The following SHISA6 variants were observed in gnomAD, a reference collection of about 807,000 sequenced individuals.
SHISA6 encodes the protein protein shisa-6.
SHISA6 carries 22 observed loss-of-function variants against 47.9 expected under a neutral mutation model. The ratio of observed to expected loss-of-function variants is 0.46; its 90% CI spans 0.33 to 0.66. SHISA6 has a LOEUF of 0.66. Ranked by LOEUF, SHISA6 falls within the 30% of genes least tolerant of loss-of-function variation. SHISA6 has a pLI of 0.02. For missense variants in SHISA6, 680 were observed against 764.6 expected (o/e 0.89, Z 1.30); for synonymous variants, 388 against 337.8 (o/e 1.15, Z -1.63).
At chr17:11,412,610 T>C (rs370571478) in intron 3 of SHISA6, among the ~76,000 whole-genome samples, 88 of 152,010 alleles carry the variant, frequency 5.8e-4, no homozygotes, top group East Asian at 1.2e-3. Flanking sequence ...GGCGCGATCT[T>C]GGCTCACTGC....
intron 2 of SHISA6, among the ~76,000 whole-genome samples, chr17:11,282,573 A>T (rs1387539618): frequency 2.6e-5 from 4 of 152,090 alleles, no homozygotes; most frequent in Non-Finnish European, 4.4e-5. Context: ...GACAGGCCCC[A>T]GTGTGTGGTG....
intron 3 of SHISA6, among the ~76,000 whole-genome samples, chr17:11,512,558 AGTT>A: frequency 6.6e-6 from 1 of 152,190 alleles, no homozygotes; most frequent in Admixed American, 6.5e-5. Context: ...AACTGAAAAA[AGTT>A]GTCACTTTAA....
chr17:11,367,348 A>C lies in SHISA6; in HGVS notation c.800-12066A>C, dbSNP rs112386525. Among the ~76,000 whole-genome samples, 417 of 152,318 alleles carry C rather than the reference A, an allele frequency of 2.7e-3. 1 individual carries two copies. Among genetic ancestry groups the C allele is most frequent in the African/African-American group, 8.4e-3 (349 of 41,570 alleles). ...AGGACATTGGACTCACTTTCATAGC[A>C]GGGAGGACAGAGAAAGGGGATGGCT... is the stretch of plus-strand genomic sequence containing the variant. On this transcript the variant is annotated intron_variant, in intron 2 of 5. Coordinates refer to ENST00000441885, the MANE Select transcript of SHISA6 (RefSeq NM_207386.4).
At chr17:11,466,189 A>T (rs549478476) in intron 3 of SHISA6, among the ~76,000 whole-genome samples, 1 of 152,312 alleles carries the variant, frequency 6.6e-6, no homozygotes, top group East Asian at 1.9e-4. Context: ...CCTGCTGGAC[A>T]CATAAACAAA....
intron 3 of SHISA6, among the ~76,000 whole-genome samples, chr17:11,390,291 A>G (rs760321233): frequency 3.3e-5 from 5 of 152,192 alleles, no homozygotes; most frequent in African/African-American, 4.8e-5. Context: ...ACATTCATCT[A>G]TATAATAGGG....
intron 3 of SHISA6, among the ~76,000 whole-genome samples, chr17:11,398,715 C>T (rs918521224): frequency 6.6e-6 from 1 of 152,070 alleles, no homozygotes; most frequent in African/African-American, 2.4e-5. Context: ...GCCTCAGCCT[C>T]CCAAGTAGCT....
intron 3 of SHISA6, among the ~76,000 whole-genome samples, chr17:11,450,023 T>C (rs1915344140): frequency 6.6e-6 from 1 of 152,194 alleles, no homozygotes; most frequent in Non-Finnish European, 1.5e-5. Flanking sequence ...TAGCTGGGAC[T>C]ACAGGCGTCC....
rs77205973 is a variant in SHISA6, at chr17:11,468,127, T to C, written c.896-83769T>C. Among the ~76,000 whole-genome samples the C allele has an allele frequency of 7.3e-3, 1,113 of 152,166 alleles. 17 individuals are homozygous for C. Among genetic ancestry groups the C allele is most frequent in the African/African-American group, 0.025 (1,058 of 41,508 alleles). On this transcript the variant is annotated intron_variant, in intron 3 of 5. Transcript: ENST00000441885. The stretch of plus-strand genomic sequence containing the variant: ...GTTTCCCTCTGTTCTCTGGCCTGTT[T>C]CCATTCATTGCCCAATTGCTGCCCT...
At chr17:11,550,963 T>A (rs2071927401) in intron 3 of SHISA6, among the ~76,000 whole-genome samples, 2 of 151,212 alleles carry the variant, frequency 1.3e-5, no homozygotes, top group South Asian at 4.2e-4. Flanking sequence ...AAAGAAGGCT[T>A]CAGTCACAAG....
chr17:11,535,423 C>T (rs1388367678), intron 3 of SHISA6, among the ~76,000 whole-genome samples: 1 of 152,174 alleles, frequency 6.6e-6, no homozygotes, highest in African/African-American at 2.4e-5. Flanking sequence ...TGTGAAGCTA[C>T]AAGAATGCTG....
At chr17:11,419,946 G>A (rs965829996) in intron 3 of SHISA6, among the ~76,000 whole-genome samples, 4 of 152,344 alleles carry the variant, frequency 2.6e-5, no homozygotes, top group South Asian at 2.1e-4. Flanking sequence ...GCCCACACCT[G>A]TAATCCCAGC....
chr17:11,358,971 T>G (rs2142227547), intron 2 of SHISA6, among the ~76,000 whole-genome samples: 1 of 152,318 alleles, frequency 6.6e-6, no homozygotes, highest in Non-Finnish European at 1.5e-5. Flanking sequence ...AGAGTTTTCT[T>G]TCTTTTTCAG....
At chr17:11,322,862 T>C (rs183322440) in intron 2 of SHISA6, among the ~76,000 whole-genome samples, 2 of 152,270 alleles carry the variant, frequency 1.3e-5, no homozygotes, top group Non-Finnish European at 2.9e-5. Flanking sequence ...GGGTGGGGGA[T>C]GGAAGAGTGG....
Position 11,332,957 on chromosome 17 carries a change from T to C in SHISA6, c.800-46457T>C, listed in dbSNP as rs72824643. On this transcript the variant is annotated intron_variant, in intron 2 of 5. Coordinates refer to ENST00000441885, the MANE Select transcript of SHISA6 (RefSeq NM_207386.4). Reference sequence around the variant, plus strand: ...ACTGCCAGTGCGGCATCTAGAGAAGTCTGTGTCCAGATGAGATGGTGATCC... The same window carrying C: ...ACTGCCAGTGCGGCATCTAGAGAAGCCTGTGTCCAGATGAGATGGTGATCC... Among the ~76,000 whole-genome samples, 1,134 of 152,202 alleles carry C rather than the reference T, an allele frequency of 7.5e-3. 7 individuals are homozygous for C. Among genetic ancestry groups the C allele is most frequent in the Middle Eastern group, 0.017 (5 of 294 alleles).
intron 2 of SHISA6, among the ~76,000 whole-genome samples, chr17:11,330,455 A>G (rs1366137499): frequency 3.3e-5 from 5 of 150,976 alleles, no homozygotes; most frequent in Non-Finnish European, 7.4e-5. Context: ...TGGCAAATTG[A>G]GACTATTTTC....
chr17:11,499,607 G>T (rs2071434180), intron 3 of SHISA6, among the ~76,000 whole-genome samples: 1 of 152,054 alleles, frequency 6.6e-6, no homozygotes, highest in Non-Finnish European at 1.5e-5. Flanking sequence ...TTTAATAGGG[G>T]AGCAATGCTT....
Position 11,241,985 on chromosome 17 carries a change from T to G in SHISA6, c.563T>G (p.Val188Gly), listed in dbSNP as rs1434746600. The G allele has an allele frequency of 8.4e-6, 13 of 1,551,106 alleles. No homozygotes were observed. The highest frequency in any genetic ancestry group is 1.1e-5 in the Non-Finnish European group (13 of 1,146,998). Residue 188 changes from valine to glycine, a missense_variant, in exon 1 of 6, where the codon GTC becomes GGC. Transcript: ENST00000441885. The surrounding 1 kb of genome is among the most constrained non-coding windows in gnomAD (Gnocchi z 5.5). Reference protein sequence around the residue: ...VYITCGVIAFVIVAGVFAKVS... With the variant: ...VYITCGVIAFGIVAGVFAKVS... ...ATCACCTGCGGGGTGATCGCCTTCG[T>G]CATCGTGGCCGGCGTCTTCGCCAAG...
chr17:11,344,324 A>G (rs1345823278), intron 2 of SHISA6, among the ~76,000 whole-genome samples: 1 of 152,176 alleles, frequency 6.6e-6, no homozygotes, highest in Non-Finnish European at 1.5e-5. Flanking sequence ...GTTTAAAAAT[A>G]TGATGAAATA....
chr17:11,254,056 C>T (rs1358387095), intron 1 of SHISA6, among the ~76,000 whole-genome samples: 1 of 152,206 alleles, frequency 6.6e-6, no homozygotes, highest in Non-Finnish European at 1.5e-5. Flanking sequence ...GGCCCTTAGC[C>T]AGCAGCCCTG....
Sources: allele counts gnomAD v4.1 joint callset (sites outside exome capture counted in the v4.1 genomes callset), GRCh38; gene constraint gnomAD v4.1.1; non-coding constraint Gnocchi (gnomAD v3.1); transcripts MANE v1.5; gene names NCBI Gene and HGNC (gene_info 2026-07-23, HGNC 2026-07-21).